RUNDC3B: variants seen among roughly 807,000 people sequenced by gnomAD.
RUNDC3B encodes the protein RUN domain-containing protein 3B.
A neutral mutation model predicts 58.4 loss-of-function variants in RUNDC3B; 33 were observed. The observed-to-expected ratio is 0.56, with a 90% confidence interval of 0.43 to 0.75. The LOEUF (loss-of-function observed/expected upper bound fraction) is 0.75. Among genes scored for constraint, RUNDC3B ranks in the 30% least tolerant of loss-of-function variants. RUNDC3B has a pLI of 0.00. For synonymous variants in RUNDC3B, 193 were observed against 195.2 expected (o/e 0.99, Z 0.10); for missense variants, 501 against 535.7 (o/e 0.94, Z 0.64).
intron 2 of RUNDC3B, among the ~76,000 whole-genome samples, chr7:87,664,980 G>C (rs530080992): frequency 5.2e-4 from 79 of 152,138 alleles, no homozygotes; most frequent in African/African-American, 1.9e-3. Context: ...TATATAACAA[G>C]CACACAGTAA....
chr7:87,726,340 A>G (rs1181755086), intron 4 of RUNDC3B, among the ~76,000 whole-genome samples: 5 of 152,182 alleles, frequency 3.3e-5, no homozygotes, highest in Non-Finnish European at 1.5e-5. Flanking sequence ...ACCATTTATT[A>G]AATAGGGAAT....
chr7:87,760,494 G>A (rs1018549833), intron 6 of RUNDC3B, among the ~76,000 whole-genome samples: 10 of 151,964 alleles, frequency 6.6e-5, no homozygotes, highest in African/African-American at 2.4e-4. Context: ...CCCAAAATTT[G>A]TATGGAATTG....
chr7:87,818,386 G>A (rs1186497573), intron 10 of RUNDC3B, among the ~76,000 whole-genome samples: 1 of 152,068 alleles, frequency 6.6e-6, no homozygotes, highest in East Asian at 1.9e-4. Flanking sequence ...CAACAAGAAA[G>A]GAGGCTGCAT....
intron 10 of RUNDC3B, among the ~76,000 whole-genome samples, chr7:87,827,615 GA>G (rs1483189595): frequency 6.6e-6 from 1 of 152,034 alleles, no homozygotes; most frequent in Non-Finnish European, 1.5e-5. Flanking sequence ...AAAAAATTAA[GA>G]TATAACAGGA....
intron 2 of RUNDC3B, among the ~76,000 whole-genome samples, chr7:87,663,220 A>G (rs1171300013): frequency 6.6e-6 from 1 of 152,060 alleles, no homozygotes; most frequent in African/African-American, 2.4e-5. Context: ...TTTTAGTTGG[A>G]TGCCCTTTAT....
rs1202720861 is a variant in RUNDC3B, at chr7:87,770,690, A to C, written c.739A>C (p.Ser247Arg). Reference sequence around the variant, plus strand: ...ACCTCCTTTCCTCATGGATGAGAACAGTTGGTTCAACAAGTGTAAGAGAGT... The same window carrying C: ...ACCTCCTTTCCTCATGGATGAGAACCGTTGGTTCAACAAGTGTAAGAGAGT... ...VGPPFLMDEN[S>R]WFNKCKRVKQ... The change falls in exon 7 of 11, where the codon AGT (serine) becomes CGT (arginine). Residue 247 changes from serine (S) to arginine (R), a missense_variant. Coordinates refer to ENST00000394654, the MANE Select transcript of RUNDC3B (RefSeq NM_001134405.2). 2 of 1,613,674 alleles carry C rather than the reference A, an allele frequency of 1.2e-6. No homozygotes were observed. The highest frequency in any genetic ancestry group is 1.7e-6 in the Non-Finnish European group (2 of 1,179,674).
intron 2 of RUNDC3B, among the ~76,000 whole-genome samples, chr7:87,675,631 C>A (rs1585069199): frequency 1.5e-5 from 1 of 68,712 alleles, no homozygotes. Context: ...AAATAGTGTT[C>A]AGAAAACTGA....
intron 8 of RUNDC3B, among the ~76,000 whole-genome samples, chr7:87,801,359 A>G (rs1836144963): frequency 6.6e-6 from 1 of 152,230 alleles, no homozygotes; most frequent in African/African-American, 2.4e-5. Context: ...GTGAGGTAAA[A>G]TTTTAAGTCA....
At chr7:87,818,229 A>G (rs1212841276) in intron 10 of RUNDC3B, among the ~76,000 whole-genome samples, 1 of 152,186 alleles carries the variant, frequency 6.6e-6, no homozygotes, top group Non-Finnish European at 1.5e-5. Flanking sequence ...CAAGAGTAAT[A>G]ATGAGCATTT....
intron 8 of RUNDC3B, among the ~76,000 whole-genome samples, chr7:87,801,428 G>T (rs1256672823): frequency 1.3e-5 from 2 of 152,104 alleles, no homozygotes; most frequent in African/African-American, 4.8e-5. Context: ...TATTGGGACT[G>T]TTCCATTTTT....
intron 4 of RUNDC3B, among the ~76,000 whole-genome samples, chr7:87,728,761 T>C (rs1831396038): frequency 6.6e-6 from 1 of 152,238 alleles, no homozygotes; most frequent in African/African-American, 2.4e-5. Context: ...GGATATATTT[T>C]AGAAGGCATT....
chr7:87,730,805 A>G (rs1208421478), intron 4 of RUNDC3B, among the ~76,000 whole-genome samples: 1 of 151,948 alleles, frequency 6.6e-6, no homozygotes, highest in African/African-American at 2.4e-5. Context: ...CAGTCCCAAT[A>G]CTGGTGCTCA....
chr7:87,703,885 C>CTTTTTTTTTTTTTTTTTTTTTTTTTTTG (rs1829326718), intron 3 of RUNDC3B, among the ~76,000 whole-genome samples: 2 of 60,296 alleles, frequency 3.3e-5, no homozygotes, highest in African/African-American at 6.3e-5. Context: ...TCAGTTTTTT[C>CTTTTTTTTTTTTTTTTTTTTTTTTTTTG]TTTTTTTTTT....
At chr7:87,647,980 C>G (rs919922286) in intron 1 of RUNDC3B, among the ~76,000 whole-genome samples, 1 of 151,878 alleles carries the variant, frequency 6.6e-6, no homozygotes, top group Non-Finnish European at 1.5e-5. Context: ...GTCAAGAAAT[C>G]GAGACCATCC....
At chr7:87,629,840 C>T (rs545377567) in intron 1 of RUNDC3B, among the ~76,000 whole-genome samples, 1 of 150,620 alleles carries the variant, frequency 6.6e-6, no homozygotes, top group East Asian at 2.0e-4. Context: ...GCAGGAGAAT[C>T]GATTGAACCT....
At chr7:87,686,686 T>C (rs1465989246) in intron 2 of RUNDC3B, among the ~76,000 whole-genome samples, 1 of 150,496 alleles carries the variant, frequency 6.6e-6, no homozygotes, top group Non-Finnish European at 1.5e-5. Context: ...ATGCCTGTAA[T>C]CCCAGCACTT....
At chr7:87,801,668 C>G (rs1836164160) in intron 8 of RUNDC3B, among the ~76,000 whole-genome samples, 1 of 152,088 alleles carries the variant, frequency 6.6e-6, no homozygotes, top group African/African-American at 2.4e-5. Context: ...ACTTGGGAGG[C>G]TGAGGCAGGA....
chr7:87,720,542 ATGTGTGTGTGTGTG>A (rs3028189), intron 4 of RUNDC3B, among the ~76,000 whole-genome samples: 4 of 145,184 alleles, frequency 2.8e-5, no homozygotes, highest in Non-Finnish European at 4.5e-5. Context: ...GATAGGATAT[ATGTGTGTGTGTGTG>A]TGTGTGTGTG....
intron 1 of RUNDC3B, among the ~76,000 whole-genome samples, chr7:87,638,455 G>A (rs901441935): frequency 6.6e-5 from 10 of 151,478 alleles, no homozygotes; most frequent in African/African-American, 2.4e-4. Flanking sequence ...AATTCACCAG[G>A]GAAGCAATGT....
Sources: allele counts gnomAD v4.1 joint callset (sites outside exome capture counted in the v4.1 genomes callset), GRCh38; gene constraint gnomAD v4.1.1; transcripts MANE v1.5; gene names NCBI Gene and HGNC (gene_info 2026-07-23, HGNC 2026-07-21).